Variants in MBD2 observed in about 807,000 individuals in gnomAD.
MBD2 encodes methyl-CpG binding domain protein 2.
MBD2 carries 9 observed loss-of-function variants against 39.3 expected under a neutral mutation model. That is an observed-to-expected ratio of 0.23 (90% CI 0.14 to 0.40). The LOEUF is 0.40. MBD2 is among the 10% of genes least tolerant of loss of function. The probability of loss-of-function intolerance (pLI) is 1.00; values close to 1 mark genes in which losing one functional copy is unlikely to be tolerated. For synonymous variants in MBD2, 233 were observed against 211.1 expected, an observed-to-expected ratio of 1.10 and a Z score of -0.90; for missense variants, 458 against 532.6, an observed-to-expected ratio of 0.86 and a Z score of 1.38.
intron 3 of MBD2, among the ~76,000 whole-genome samples, chr18:54,186,331 C>T (rs190402666): frequency 9.2e-5 from 14 of 152,216 alleles, no homozygotes; most frequent in Non-Finnish European, 1.8e-4. Context: ...GAATATTTGG[C>T]AATTTATATT....
Position 54,224,436 on chromosome 18 carries a change from C to T in MBD2, c.124G>A (p.Ala42Thr). 1 of 1,241,834 alleles carries T rather than the reference C, an allele frequency of 8.1e-7. No individual in the cohort carries two copies. Among genetic ancestry groups the T allele is most frequent in the Non-Finnish European group, 1.0e-6 (1 of 996,342 alleles). The allele number at this position is 1,241,834 out of a possible 1,614,324, so 76.9% of individuals were successfully genotyped here. Reference protein sequence around the residue: ...IEQGGQGSALAPSPVSGVRRE... With the variant: ...IEQGGQGSALTPSPVSGVRRE... ...CGCACGCCGCTCACCGGGGACGGGG[C>T]GAGCGCGCTGCCCTGGCCCCCCTGC... Residue 42 changes from alanine to threonine, a missense_variant, in exon 1 of 7, where the codon GCC (alanine) becomes ACC (threonine). Physicochemically the swap from Ala to Thr is moderately conservative, Grantham distance 58. This residue lies in a region of MBD2 where 269 missense variants were observed against 236.0 expected (regional missense o/e 1.14). Transcript: ENST00000256429.
rs189717466 is a variant in MBD2, at chr18:54,169,094, A to T, written c.841-2928T>A. Among the ~76,000 whole-genome samples, 857 of 152,296 alleles carry T rather than the reference A, an allele frequency of 5.6e-3. 9 individuals are homozygous for T. The highest frequency in any genetic ancestry group is 0.019 in the African/African-American group (787 of 41,574). ...AAACCTATAGGGAAGGTTGCCCCAGATTGGGATGGAGGGGAGTCTGACAAC... is the reference window on the plus strand; with the variant it reads ...AAACCTATAGGGAAGGTTGCCCCAGTTTGGGATGGAGGGGAGTCTGACAAC... On this transcript the variant is annotated intron_variant, in intron 3 of 6. Transcript: ENST00000256429.
At chr18:54,212,702 A>T (rs949089345) in intron 1 of MBD2, among the ~76,000 whole-genome samples, 2 of 152,026 alleles carry the variant, frequency 1.3e-5, no homozygotes, top group African/African-American at 2.4e-5. Context: ...TAAAAAAAAA[A>T]TATCAAGACT....
intron 3 of MBD2, among the ~76,000 whole-genome samples, chr18:54,176,782 G>C (rs1270685661): frequency 4.6e-5 from 7 of 152,224 alleles, no homozygotes; most frequent in Admixed American, 1.3e-4. Flanking sequence ...GGCCTAAGAA[G>C]AAAGAGCTAG....
At chr18:54,156,119 G>C (rs1416149648) in intron 6 of MBD2, among the ~76,000 whole-genome samples, 2 of 152,140 alleles carry the variant, frequency 1.3e-5, no homozygotes, top group Non-Finnish European at 2.9e-5. Context: ...GCCCAACTAA[G>C]TCCTACCTAT....
At chr18:54,217,527 A>G (rs1184628256) in intron 1 of MBD2, among the ~76,000 whole-genome samples, 1 of 152,240 alleles carries the variant, frequency 6.6e-6, no homozygotes, top group Non-Finnish European at 1.5e-5. Context: ...AAATCCAGGA[A>G]GAGTTTATGG....
In MBD2 at chr18:54,190,767, T is replaced by G. The variant is rs550282726; in HGVS notation, c.703-1756A>C. Among the ~76,000 whole-genome samples the G allele has an allele frequency of 3.9e-5, 6 of 152,270 alleles. No homozygotes were observed. In the East Asian group the frequency reaches 9.6e-4, roughly 24 times the overall value. ...CCAAGAACCTATCAACAACATTAAG[T>G]GAGGACTTACTGAATATTATATTTA... On this transcript the variant is annotated intron_variant, in intron 2 of 6. Coordinates refer to ENST00000256429, the MANE Select transcript of MBD2 (RefSeq NM_003927.5).
At chr18:54,191,024 C>A (rs775840518) in intron 2 of MBD2, among the ~76,000 whole-genome samples, 4 of 152,066 alleles carry the variant, frequency 2.6e-5, no homozygotes, top group Non-Finnish European at 4.4e-5. Flanking sequence ...GTAACATATA[C>A]CTGAAAACAA....
At chr18:54,171,352 G>T (rs191086716) in intron 3 of MBD2, among the ~76,000 whole-genome samples, 533 of 151,698 alleles carry the variant, frequency 3.5e-3, no homozygotes, top group Non-Finnish European at 6.6e-3. Context: ...AGCTGGGATC[G>T]CACCATTGCA....
chr18:54,163,105 C>G (rs1189089611), intron 5 of MBD2, among the ~76,000 whole-genome samples: 2 of 152,002 alleles, frequency 1.3e-5, no homozygotes, highest in African/African-American at 4.8e-5. Flanking sequence ...AACCCTGTCT[C>G]TACTAAAAAT....
intron 6 of MBD2, among the ~76,000 whole-genome samples, chr18:54,156,502 C>T (rs1309723545): frequency 2.0e-5 from 3 of 152,126 alleles, no homozygotes; most frequent in Non-Finnish European, 2.9e-5. Flanking sequence ...AACACAGCCT[C>T]GCTCACATAA....
intron 3 of MBD2, among the ~76,000 whole-genome samples, chr18:54,176,749 C>G (rs905886242): frequency 2.6e-5 from 4 of 152,176 alleles, no homozygotes; most frequent in Non-Finnish European, 5.9e-5. Context: ...CAAGTATGAG[C>G]TACCCTCTTA....
intron 5 of MBD2, among the ~76,000 whole-genome samples, chr18:54,162,136 G>A (rs1413349038): frequency 2.0e-5 from 3 of 152,208 alleles, no homozygotes; most frequent in Non-Finnish European, 4.4e-5. Context: ...ACAGTCCGGT[G>A]ACACTTTTAA....
At chr18:54,172,931 G>A (rs1170610695) in intron 3 of MBD2, among the ~76,000 whole-genome samples, 2 of 152,238 alleles carry the variant, frequency 1.3e-5, no homozygotes, top group African/African-American at 4.8e-5. Flanking sequence ...AACATGCCCA[G>A]TACACAGCAA....
intron 3 of MBD2, among the ~76,000 whole-genome samples, chr18:54,185,915 C>A (rs925247262): frequency 3.9e-5 from 6 of 151,954 alleles, no homozygotes; most frequent in South Asian, 2.1e-4. Context: ...TCTTTTCATA[C>A]CCTAATTTGC....
chr18:54,195,697 T>C (rs935158672), intron 2 of MBD2, among the ~76,000 whole-genome samples: 1 of 151,776 alleles, frequency 6.6e-6, no homozygotes, highest in Admixed American at 6.6e-5. Flanking sequence ...AACTGGACCA[T>C]CCATATATAG....
chr18:54,182,562 A>G (rs2086258371), intron 3 of MBD2, among the ~76,000 whole-genome samples: 1 of 152,220 alleles, frequency 6.6e-6, no homozygotes, highest in African/African-American at 2.4e-5. Context: ...CTTGGCAGTC[A>G]TGTTAAAGTG....
intron 1 of MBD2, among the ~76,000 whole-genome samples, chr18:54,223,524 G>T (rs2086632441): frequency 6.6e-6 from 1 of 152,128 alleles, no homozygotes; most frequent in South Asian, 2.1e-4. Flanking sequence ...GCAATACCAA[G>T]AAGTTCCAAA....
chr18:54,213,811 T>G (rs2086531343), intron 1 of MBD2, among the ~76,000 whole-genome samples: 1 of 152,222 alleles, frequency 6.6e-6, no homozygotes, highest in African/African-American at 2.4e-5. Flanking sequence ...TTTGCCTATG[T>G]CTGAACTTTT....
Sources: gnomAD v4.1 joint callset for allele counts (sites outside exome capture counted in the v4.1 genomes callset) on GRCh38, gnomAD v4.1.1 for gene constraint, gnomAD v4.1.1 regional missense constraint, MANE v1.5 for transcripts, NCBI Gene and HGNC (gene_info 2026-07-23, HGNC 2026-07-21) for gene names.